The following ALAS1 variants were observed in gnomAD, a reference collection of about 807,000 sequenced individuals.
ALAS1 encodes the protein 5-aminolevulinate synthase, non-specific, mitochondrial.
In ALAS1, 29 loss-of-function variants were observed where a neutral mutation model predicts 59.6. The observed-to-expected ratio is 0.49, with a 90% CI of 0.36 to 0.66. ALAS1 has a LOEUF of 0.66. Ranked by LOEUF, ALAS1 falls within the 30% of genes least tolerant of loss-of-function variation. ALAS1 has a pLI of 0.00. For missense variants in ALAS1, 690 were observed against 807.5 expected (o/e 0.85, Z 1.76); for synonymous variants, 299 against 296.6 (o/e 1.01, Z -0.08).
rs778404140 is a variant in ALAS1 at position 52,206,018 on chromosome 3, T to C, written c.980T>C (p.Met327Thr). Reference protein sequence around the residue: ...DSTLFTLAKMMPGCEIYSDSG... With the variant: ...DSTLFTLAKMTPGCEIYSDSG... ...ACCCTCTTCACCCTGGCTAAGATGA[T>C]GCCAGGTAAGGAAGCCTGGCATGAG... The change falls in exon 7 of 12, where the codon ATG becomes ACG. Residue 327 changes from methionine to threonine, a missense_variant. Coordinates refer to ENST00000484952, the MANE Select transcript of ALAS1 (RefSeq NM_000688.6). The C allele has an allele frequency of 1.3e-6, 2 of 1,594,028 alleles. No homozygotes were observed. Among genetic ancestry groups the C allele is most frequent in the Non-Finnish European group, 1.7e-6 (2 of 1,168,350 alleles).
intron 3 of ALAS1, among the ~76,000 whole-genome samples, chr3:52,201,541 T>A (rs1293545473): frequency 6.6e-6 from 1 of 151,918 alleles, no homozygotes; most frequent in Non-Finnish European, 1.5e-5. Flanking sequence ...TGCTTGAGCC[T>A]AGGAGTTTGA....
chr3:52,201,285 G>A (rs1474242203), intron 3 of ALAS1, among the ~76,000 whole-genome samples: 1 of 152,188 alleles, frequency 6.6e-6, no homozygotes, highest in African/African-American at 2.4e-5. Context: ...AGACTTTGAT[G>A]AATTTAGATG....
At chr3:52,206,171 C>G (rs1324413522) in intron 7 of ALAS1, 148 bp downstream of exon 7, 3 of 789,128 alleles carry the variant, frequency 3.8e-6, no homozygotes, top group Non-Finnish European at 5.9e-6. Context: ...GCATGAAATG[C>G]TGACTGTACA....
chr3:52,214,259 T>A lies in ALAS1; in HGVS notation c.*79T>A. The stretch of plus-strand genomic sequence containing the variant: ...CTTCAGAGTTGTCTTTATATGTGAA[T>A]TAAGTTATATTAAATTTTAATCTAT... On this transcript the variant is annotated 3_prime_UTR_variant, in exon 12 of 12. Transcript: ENST00000484952. 7.1e-6 allele frequency: 9 copies of A among 1,270,780 alleles called. No homozygotes were observed. Among genetic ancestry groups the A allele is most frequent in the Non-Finnish European group, 9.7e-6 (9 of 931,422 alleles). The allele number at this position is 1,270,780 out of a possible 1,614,324, so 78.7% of individuals were successfully genotyped here. A position where few individuals can be genotyped will look rare whatever the true frequency, so the allele number is the denominator to read the frequency against.
At position 52,198,182 on chromosome 3, in the gene ALAS1, A is replaced by C. The variant is rs953566621; in HGVS notation, c.-283A>C. 7.5e-5 allele frequency: 30 copies of C among 398,598 alleles called. No homozygotes were observed. Among genetic ancestry groups the C allele is most frequent in the Non-Finnish European group, 1.3e-4 (29 of 226,050 alleles). 24.7% of individuals were successfully genotyped at this position (398,598 alleles called of 1,614,324 possible). On this transcript the variant is annotated 5_prime_UTR_variant, in exon 1 of 12. Transcript: ENST00000484952. ...CTGAGGCTGCTCCCGGACAAGGGCA[A>C]CGAGCGTTTCGTTTGGACTTCTCGA...
In ALAS1 at chr3:52,202,576, A is replaced by T. The variant is rs1257084163; in HGVS notation, c.269A>T (p.Gln90Leu). Reference protein sequence around the residue: ...DGSQQSPDGTQLPSGHPLPAT... With the variant: ...DGSQQSPDGTLLPSGHPLPAT... ...TCCCAGCAGAGTCCAGATGGCACAC[A>T]GCTTCCGTCTGGACACCCCTTGCCT... Residue 90 changes from glutamine (Q) to leucine (L), a missense_variant, in exon 4 of 12, where the codon CAG (glutamine) becomes CTG (leucine). By Grantham distance (113) the Gln-to-Leu change is moderately radical (BLOSUM62 -2). Transcript: ENST00000484952. 1 of 1,614,098 alleles carries T rather than the reference A, an allele frequency of 6.2e-7. No homozygotes were observed. Among genetic ancestry groups the T allele is most frequent in the East Asian group, 2.2e-5 (1 of 44,892 alleles).
At chr3:52,199,131 G>A (rs542849183) in intron 2 of ALAS1, 79 bp from the exon 3 acceptor site, 593 of 1,400,572 alleles carry the variant, frequency 4.2e-4, no homozygotes, top group Non-Finnish European at 5.7e-4. Flanking sequence ...TATATAAACT[G>A]CGGTTGACAC....
intron 9 of ALAS1, among the ~76,000 whole-genome samples, chr3:52,210,951 G>A (rs917428281): frequency 6.6e-6 from 1 of 152,156 alleles, no homozygotes; most frequent in African/African-American, 2.4e-5. Flanking sequence ...TTTGTGGTAT[G>A]GCGTGTTGCT....
intron 9 of ALAS1, among the ~76,000 whole-genome samples, chr3:52,208,982 A>G (rs1456324844): frequency 6.6e-6 from 1 of 152,238 alleles, no homozygotes; most frequent in Non-Finnish European, 1.5e-5. Flanking sequence ...TTAAGCCTTC[A>G]GAAGTGGGTA....
At chr3:52,198,626 G>A in intron 1 of ALAS1, 46 bp from the exon 2 acceptor site, 1 of 624,626 alleles carries the variant, frequency 1.6e-6, no homozygotes, top group South Asian at 1.9e-5. Context: ...GGCCCAAGGC[G>A]CTGGCCCTCA....
At position 52,214,185 on chromosome 3, in the gene ALAS1, G is replaced by A; in HGVS notation, c.*5G>A. 1.3e-6 allele frequency: 2 copies of A among 1,581,966 alleles called. No homozygotes were observed. The highest frequency in any genetic ancestry group is 1.7e-6 in the Non-Finnish European group (2 of 1,154,236). The stretch of plus-strand genomic sequence containing the variant: ...TTGGTATCTGCTCAGGCCTGAGCAT[G>A]ACCTCAATTATTTCACTTAACCCCA... On this transcript the variant is annotated 3_prime_UTR_variant, in exon 12 of 12. Coordinates refer to ENST00000484952, the MANE Select transcript of ALAS1 (RefSeq NM_000688.6).
At chr3:52,207,986 A>T in intron 8 of ALAS1, 97 bp from the exon 9 acceptor site, 1 of 1,202,474 alleles carries the variant, frequency 8.3e-7, no homozygotes, top group Non-Finnish European at 1.1e-6. Flanking sequence ...TGAAAATGAT[A>T]CCTTAGAATA....
At chr3:52,206,820 G>C in intron 8 of ALAS1, 69 bp downstream of exon 8, 1 of 1,502,112 alleles carries the variant, frequency 6.7e-7, no homozygotes, top group South Asian at 1.2e-5. Context: ...TAAAAGTATG[G>C]TGTTTTGTTG....
intron 8 of ALAS1, 148 bp from the exon 9 acceptor site, chr3:52,207,935 G>C: frequency 2.3e-6 from 2 of 883,382 alleles, no homozygotes; most frequent in African/African-American, 1.7e-5. Flanking sequence ...GGGACCCCAG[G>C]TAACCTAGAA....
In ALAS1 at chr3:52,199,319, G is replaced by T. The variant is rs1699137022; in HGVS notation, c.78G>T (p.Leu26=). 2 of 1,614,230 alleles carry T rather than the reference G, an allele frequency of 1.2e-6. 1 individual carries two copies. Among genetic ancestry groups the T allele is most frequent in the African/African-American group, 2.7e-5 (2 of 75,056 alleles). ...TTCTGCAGAAAGCAGGCAAATCTCT[G>T]TTGTTCTATGCCCAAAACTGCCCCA... ...QAFLQKAGKS[L]LFYAQNCPKM... The change falls in exon 3 of 12, where the codon CTG becomes CTT. Residue 26 remains leucine, a synonymous_variant. Transcript: ENST00000484952.
chr3:52,199,915 A>C (rs1389383226), intron 3 of ALAS1, among the ~76,000 whole-genome samples: 2 of 152,102 alleles, frequency 1.3e-5, no homozygotes, highest in Non-Finnish European at 2.9e-5. Context: ...TCCACCTCCC[A>C]GGTTCAAGTG....
rs1699218969 is a variant in ALAS1 at position 52,203,005 on chromosome 3, G to A, written c.427+271G>A. The stretch of plus-strand genomic sequence containing the variant: ...AACCTGCAGTCTTGAGCTGCCACCA[G>A]CTGCCTTTTGTCCCTTTGGTCTTTC... On this transcript the variant is annotated intron_variant, in intron 4 of 11. Coordinates refer to ENST00000484952, the MANE Select transcript of ALAS1 (RefSeq NM_000688.6). Among the ~76,000 whole-genome samples the A allele has an allele frequency of 2.6e-5, 4 of 152,262 alleles. No homozygotes were observed. In the South Asian group the frequency reaches 8.3e-4, roughly 32 times the overall value.
intron 3 of ALAS1, 120 bp downstream of exon 3, chr3:52,199,560 G>T: frequency 1.1e-6 from 1 of 941,266 alleles, no homozygotes. Flanking sequence ...CTATGTGCAG[G>T]CTGGGCTCTG....
chr3:52,200,302 A>G lies in ALAS1; in HGVS notation c.199+862A>G, dbSNP rs77223931. ...TTTCATCTTCCCAAACTGAAATTCT[A>G]TACCCATCAAACAGTAACTCTCCAT... On this transcript the variant is annotated intron_variant, in intron 3 of 11. Transcript: ENST00000484952. Among the ~76,000 whole-genome samples, 250 of 152,296 alleles carry G rather than the reference A, an allele frequency of 1.6e-3. 5 individuals are homozygous for G. In the East Asian group the frequency reaches 0.044, roughly 27 times the overall value.
Sources: allele counts gnomAD v4.1 joint callset (sites outside exome capture counted in the v4.1 genomes callset), GRCh38; gene constraint gnomAD v4.1.1; transcripts MANE v1.5; gene names NCBI Gene and HGNC (gene_info 2026-07-23, HGNC 2026-07-21).